The following LANCL1 variants were observed in gnomAD, a reference collection of about 807,000 sequenced individuals.
The protein encoded by LANCL1 is LanC like glutathione S-transferase 1, also known as glutathione S-transferase LANCL1.
LANCL1 carries 50 observed loss-of-function variants against 50.6 expected under a neutral mutation model. That is an observed-to-expected ratio of 0.99 (90% confidence interval 0.79 to 1.25). The LOEUF (loss-of-function observed/expected upper bound fraction) is 1.25. Among genes scored for constraint, LANCL1 ranks in the 50% most tolerant of loss-of-function variants. The probability of loss-of-function intolerance (pLI) is 0.00; values close to 1 mark genes in which losing one functional copy is unlikely to be tolerated. For missense variants in LANCL1, 532 were observed against 480.7 expected, an observed-to-expected ratio of 1.11 and a Z score of -1.00; for synonymous variants, 188 against 178.6, an observed-to-expected ratio of 1.05 and a Z score of -0.42.
chr2:210,459,737 A>AAAACAAAC (rs34702156), intron 3 of LANCL1, among the ~76,000 whole-genome samples: 22,174 of 150,312 alleles, frequency 0.15, 2,114 homozygotes, highest in Middle Eastern at 0.24. Context: ...ATAACTATTA[A>AAAACAAAC]AAACAAACAA....
At chr2:210,475,871 T>C (rs956367795) in intron 2 of LANCL1, among the ~76,000 whole-genome samples, 6 of 152,192 alleles carry the variant, frequency 3.9e-5, no homozygotes, top group African/African-American at 1.4e-4. Flanking sequence ...CCCCAAATTC[T>C]CTAAGCACTA....
intron 4 of LANCL1, chr2:210,442,840 C>T (rs1179501143): frequency 6.6e-6 from 1 of 152,238 alleles, no homozygotes; most frequent in African/African-American, 2.4e-5. Context: ...CTCCTAATAT[C>T]AGAGAGAATG....
At chr2:210,441,470 T>C in intron 4 of LANCL1, 27 bp from the exon 5 acceptor site, 1 of 1,586,208 alleles carries the variant, frequency 6.3e-7, no homozygotes, top group South Asian at 1.2e-5. Context: ...ATGCCCCAAA[T>C]AATTTGAAAG....
intron 3 of LANCL1, among the ~76,000 whole-genome samples, chr2:210,470,988 T>C (rs1391782008): frequency 6.6e-6 from 1 of 152,122 alleles, no homozygotes; most frequent in East Asian, 1.9e-4. Flanking sequence ...ACAGCTGTCT[T>C]TTGTTTCTCT....
chr2:210,450,513 G>A (rs540823663), intron 4 of LANCL1, among the ~76,000 whole-genome samples: 2 of 152,244 alleles, frequency 1.3e-5, no homozygotes, highest in East Asian at 3.9e-4. Context: ...TTAAACTAAA[G>A]AGCTTCTGAA....
intron 2 of LANCL1, 44 bp from the exon 3 acceptor site, chr2:210,472,120 CCAGCTTGCTGGACTATAAG>C (rs770414632): frequency 6.8e-6 from 9 of 1,328,940 alleles, no homozygotes; most frequent in Non-Finnish European, 8.7e-6. Flanking sequence ...TGTGGGTCAC[CCAGCTTGCTGGACTATAAG>C]CTATCAAAGA....
At chr2:210,452,834 T>C (rs899944850) in intron 4 of LANCL1, among the ~76,000 whole-genome samples, 1 of 152,084 alleles carries the variant, frequency 6.6e-6, no homozygotes, top group Non-Finnish European at 1.5e-5. Context: ...GAACATGATG[T>C]TGGCAATGAA....
intron 3 of LANCL1, among the ~76,000 whole-genome samples, chr2:210,467,792 T>A (rs1175383968): frequency 6.6e-6 from 1 of 152,154 alleles, no homozygotes; most frequent in Non-Finnish European, 1.5e-5. Flanking sequence ...ACCCTTTCAT[T>A]TTCAAGATCA....
chr2:210,459,371 A>G (rs1693771482), intron 3 of LANCL1, among the ~76,000 whole-genome samples: 1 of 152,144 alleles, frequency 6.6e-6, no homozygotes. Flanking sequence ...AAATCTACAC[A>G]TCCAGATGTA....
chr2:210,443,219 G>A (rs531188493), intron 4 of LANCL1, among the ~76,000 whole-genome samples: 31 of 152,284 alleles, frequency 2.0e-4, no homozygotes, highest in South Asian at 4.1e-4. Context: ...AACCATCTTT[G>A]GTAGTTTGAC....
chr2:210,455,051 G>A (rs1267141510), intron 4 of LANCL1, 56 bp downstream of exon 4: 40 of 1,410,902 alleles, frequency 2.8e-5, no homozygotes, highest in Non-Finnish European at 3.9e-5. Context: ...GTTAACACAT[G>A]CAGAATTAAT....
At position 210,431,409 on chromosome 2, in the gene LANCL1, T is replaced by G. The variant is rs142809682; in HGVS notation, c.*3078A>C. 3 of 152,300 alleles carry G rather than the reference T, an allele frequency of 2.0e-5. No homozygotes were observed. In the East Asian group the frequency reaches 5.8e-4, roughly 29 times the overall value. The allele number at this position is 152,300 out of a possible 1,614,324, so 9.4% of individuals were successfully genotyped here. On this transcript the variant is annotated 3_prime_UTR_variant, in exon 10 of 10. Coordinates refer to ENST00000450366, the MANE Select transcript of LANCL1 (RefSeq NM_006055.3). The stretch of plus-strand genomic sequence containing the variant: ...GTTTGCTTTATAATTAGAGAAACAG[T>G]TCGTCTACAGCTCAATAGTAGAGAA...
At chr2:210,473,861 T>C (rs1025812744) in intron 2 of LANCL1, among the ~76,000 whole-genome samples, 3 of 152,228 alleles carry the variant, frequency 2.0e-5, no homozygotes, top group African/African-American at 7.2e-5. Flanking sequence ...CAACTAGACT[T>C]GAAAATACAT....
At chr2:210,463,077 C>G (rs1693917950) in intron 3 of LANCL1, among the ~76,000 whole-genome samples, 1 of 152,122 alleles carries the variant, frequency 6.6e-6, no homozygotes, top group Non-Finnish European at 1.5e-5. Flanking sequence ...GACTCAAGAG[C>G]CAGGCTTGTT....
rs1559723580 is a variant in LANCL1 at position 210,472,086 on chromosome 2, A to G, written c.82-10T>C. On this transcript the variant is annotated splice_polypyrimidine_tract_variant and intron_variant, in intron 2 of 9. Transcript: ENST00000450366. ...AGAACTCAGGAGTCAGCTAGATATT[A>G]AAGGAAAACAAGTATCAAAATAATG... 1 of 1,578,268 alleles carries G rather than the reference A, an allele frequency of 6.3e-7. No individual in the cohort carries two copies. The highest frequency in any genetic ancestry group is 1.3e-5 in the African/African-American group (1 of 74,272).
At chr2:210,448,195 A>C (rs781340836) in intron 4 of LANCL1, among the ~76,000 whole-genome samples, 16 of 152,216 alleles carry the variant, frequency 1.1e-4, no homozygotes, top group Admixed American at 5.2e-4. Context: ...GGATCAAGAA[A>C]CTCACTCAGA....
At chr2:210,457,206 A>T (rs1303731235) in intron 3 of LANCL1, among the ~76,000 whole-genome samples, 3 of 152,186 alleles carry the variant, frequency 2.0e-5, no homozygotes, top group African/African-American at 4.8e-5. Flanking sequence ...GCTGCTGCCA[A>T]TTAGAAAAAG....
At chr2:210,439,487 T>A (rs1008425131) in intron 6 of LANCL1, among the ~76,000 whole-genome samples, 2 of 152,208 alleles carry the variant, frequency 1.3e-5, no homozygotes, top group Non-Finnish European at 1.5e-5. Context: ...AGACTCTTCT[T>A]TCCTGAAAGC....
At chr2:210,473,546 A>C (rs1694279599) in intron 2 of LANCL1, among the ~76,000 whole-genome samples, 1 of 152,236 alleles carries the variant, frequency 6.6e-6, no homozygotes, top group African/African-American at 2.4e-5. Flanking sequence ...TTACCATGTA[A>C]GGATTGTAGA....
Sources: gnomAD v4.1 joint callset for allele counts (sites outside exome capture counted in the v4.1 genomes callset) on GRCh38, gnomAD v4.1.1 for gene constraint, MANE v1.5 for transcripts, NCBI Gene and HGNC (gene_info 2026-07-23, HGNC 2026-07-21) for gene names.